The following VIPR2 variants were observed in gnomAD, a reference collection of about 807,000 sequenced individuals.
VIPR2 encodes the protein vasoactive intestinal polypeptide receptor 2.
In VIPR2, 48 loss-of-function variants were observed where a neutral mutation model predicts 58.0. That is an observed-to-expected ratio of 0.83 (90% confidence interval 0.66 to 1.05). The LOEUF is 1.05. Ranked by LOEUF, VIPR2 falls within the 50% of genes least tolerant of loss-of-function variation. The pLI, the probability that VIPR2 is intolerant of heterozygous loss-of-function variation, is 0.00. For missense variants in VIPR2, 534 were observed against 558.0 expected (o/e 0.96, Z 0.43); for synonymous variants, 243 against 235.2 (o/e 1.03, Z -0.30).
chr7:159,059,203 G>A (rs769835138), intron 4 of VIPR2: 3 of 470,538 alleles, frequency 6.4e-6, no homozygotes, highest in Non-Finnish European at 1.3e-5. Context: ...GGAGTTCTAT[G>A]ACAACAGGGA....
chr7:159,042,467 G>A (rs995387888), intron 6 of VIPR2, among the ~76,000 whole-genome samples: 7 of 152,174 alleles, frequency 4.6e-5, no homozygotes, highest in African/African-American at 1.2e-4. Flanking sequence ...GGAGAAGGGC[G>A]TGGGTGGAGT....
At chr7:159,057,830 T>A (rs1855410021) in intron 5 of VIPR2, among the ~76,000 whole-genome samples, 1 of 152,156 alleles carries the variant, frequency 6.6e-6, no homozygotes, top group Admixed American at 6.5e-5. Context: ...CATCATTAGT[T>A]ACCAAGAGAC....
intron 2 of VIPR2, among the ~76,000 whole-genome samples, chr7:159,135,827 AAAAT>A (rs1188290704): frequency 2.2e-4 from 33 of 152,218 alleles, no homozygotes; most frequent in Admixed American, 2.0e-3. Context: ...CATCTCAGAA[AAAAT>A]AAATAAATGA....
At chr7:159,092,137 T>C (rs1249252318) in intron 4 of VIPR2, among the ~76,000 whole-genome samples, 1 of 152,196 alleles carries the variant, frequency 6.6e-6, no homozygotes, top group Non-Finnish European at 1.5e-5. Context: ...AGTCAGAGGC[T>C]GACGTGAGGG....
At chr7:159,129,841 A>T (rs111923271) in intron 2 of VIPR2, among the ~76,000 whole-genome samples, 3 of 34,276 alleles carry the variant, frequency 8.8e-5, no homozygotes, top group South Asian at 1.0e-3. Flanking sequence ...CTGGCCTCTG[A>T]GGGGGACAGG....
At chr7:159,076,642 C>T (rs2129494759) in intron 4 of VIPR2, among the ~76,000 whole-genome samples, 2 of 152,162 alleles carry the variant, frequency 1.3e-5, no homozygotes, top group South Asian at 4.1e-4. Flanking sequence ...CTCTGGATGG[C>T]ATTTCCAAAA....
chr7:159,091,218 G>C (rs957690795), intron 4 of VIPR2, among the ~76,000 whole-genome samples: 2 of 152,262 alleles, frequency 1.3e-5, no homozygotes, highest in Admixed American at 6.5e-5. Flanking sequence ...CAACACAAGT[G>C]AGGTTAATAG....
chr7:159,079,604 A>C (rs542788659), intron 4 of VIPR2, among the ~76,000 whole-genome samples: 1 of 152,324 alleles, frequency 6.6e-6, no homozygotes, highest in Admixed American at 6.5e-5. Context: ...GAAGGCAAGA[A>C]ATAACTAAGA....
chr7:159,127,084 G>C lies in VIPR2; in HGVS notation c.151+15362C>G, dbSNP rs936833098. Among the ~76,000 whole-genome samples the C allele has an allele frequency of 7.9e-5, 12 of 152,200 alleles. No individual in the cohort carries two copies. Among genetic ancestry groups the C allele is most frequent in the African/African-American group, 2.7e-4 (11 of 41,444 alleles). On this transcript the variant is annotated intron_variant, in intron 2 of 12. Coordinates refer to ENST00000262178, the MANE Select transcript of VIPR2 (RefSeq NM_003382.5). The surrounding 1 kb of genome is among the most constrained non-coding windows in gnomAD (Gnocchi z 4.6). Reference sequence around the variant, plus strand: ...CCACAGCAGAGCGCGGTCTCCAAACGTGTTTAGAATGCTGCAGAGGATACT... The same window carrying C: ...CCACAGCAGAGCGCGGTCTCCAAACCTGTTTAGAATGCTGCAGAGGATACT...
At chr7:159,070,836 T>C (rs1856346959) in intron 4 of VIPR2, among the ~76,000 whole-genome samples, 1 of 152,242 alleles carries the variant, frequency 6.6e-6, no homozygotes, top group Non-Finnish European at 1.5e-5. Flanking sequence ...TTTGGTTTCT[T>C]GCAAAAATGC....
intron 6 of VIPR2, 31 bp downstream of exon 6, chr7:159,043,004 C>G: frequency 2.1e-5 from 34 of 1,610,072 alleles, no homozygotes; most frequent in Non-Finnish European, 2.9e-5. Flanking sequence ...AGGGACAAGA[C>G]AGTGGGACCC....
chr7:159,126,185 G>A (rs766438127), intron 2 of VIPR2, among the ~76,000 whole-genome samples: 10 of 152,136 alleles, frequency 6.6e-5, no homozygotes, highest in Middle Eastern at 3.2e-3. Flanking sequence ...TGACATTTTT[G>A]AATGCTGCCT....
At chr7:159,054,832 T>C (rs1855212924) in intron 5 of VIPR2, among the ~76,000 whole-genome samples, 1 of 152,256 alleles carries the variant, frequency 6.6e-6, no homozygotes, top group Admixed American at 6.5e-5. Context: ...GATGCTTTGA[T>C]ACATATCTAT....
intron 4 of VIPR2, among the ~76,000 whole-genome samples, chr7:159,076,178 T>C (rs1856628127): frequency 6.6e-6 from 1 of 152,164 alleles, no homozygotes; most frequent in South Asian, 2.1e-4. Flanking sequence ...GAAAAATGGG[T>C]AAACTTAAAA....
At chr7:159,081,155 G>T (rs2129494896) in intron 4 of VIPR2, among the ~76,000 whole-genome samples, 1 of 152,234 alleles carries the variant, frequency 6.6e-6, no homozygotes, top group Non-Finnish European at 1.5e-5. Flanking sequence ...AGCCTGCATT[G>T]CCAAGTCAAT....
At chr7:159,066,125 T>G (rs1856069049) in intron 4 of VIPR2, among the ~76,000 whole-genome samples, 1 of 151,478 alleles carries the variant, frequency 6.6e-6, no homozygotes, top group Non-Finnish European at 1.5e-5. Context: ...GGATGCCTGA[T>G]CCCACGTTGT....
chr7:159,129,071 G>A (rs1004510790), intron 2 of VIPR2, among the ~76,000 whole-genome samples: 15 of 152,336 alleles, frequency 9.8e-5, no homozygotes, highest in South Asian at 4.1e-4. Flanking sequence ...AGAAGAACCC[G>A]TCACCACCCG....
In VIPR2 at chr7:159,069,140, G is replaced by A. The variant is rs189157413; in HGVS notation, c.358-10562C>T. On this transcript the variant is annotated intron_variant, in intron 4 of 12. Coordinates refer to ENST00000262178, the MANE Select transcript of VIPR2 (RefSeq NM_003382.5). ...TCTCCCCACAGGCTCCTGGCTGTGC[G>A]GTGTCCACTCCACCTGTCTCCAGTT... Among the ~76,000 whole-genome samples, 573 of 152,216 alleles carry A rather than the reference G, an allele frequency of 3.8e-3. 3 individuals carry two copies. Among genetic ancestry groups the A allele is most frequent in the African/African-American group, 0.013 (521 of 41,536 alleles).
intron 2 of VIPR2, among the ~76,000 whole-genome samples, chr7:159,126,909 G>C (rs56002414): frequency 0.018 from 2,737 of 152,284 alleles, 40 homozygotes; most frequent in Middle Eastern, 0.044. Flanking sequence ...AGGGCTACCT[G>C]ACCAGGGCTT....
Sources: allele counts gnomAD v4.1 joint callset (sites outside exome capture counted in the v4.1 genomes callset), GRCh38; gene constraint gnomAD v4.1.1; non-coding constraint Gnocchi (gnomAD v3.1); transcripts MANE v1.5; gene names NCBI Gene and HGNC (gene_info 2026-07-23, HGNC 2026-07-21).